The following CRY2 variants were observed in gnomAD, a reference collection of about 807,000 sequenced individuals.
CRY2 encodes cryptochrome circadian regulator 2, also known as cryptochrome-2.
A neutral mutation model predicts 69.5 loss-of-function variants in CRY2; 31 were observed. That is an observed-to-expected ratio of 0.45 (90% confidence interval 0.34 to 0.60). The LOEUF (loss-of-function observed/expected upper bound fraction) is 0.60. Among genes scored for constraint, CRY2 ranks in the 20% least tolerant of loss-of-function variants. The pLI, the probability that CRY2 is intolerant of heterozygous loss-of-function variation, is 0.02. For missense variants in CRY2, 606 were observed against 797.8 expected, an observed-to-expected ratio of 0.76 and a Z score of 2.90; for synonymous variants, 303 against 312.2, an observed-to-expected ratio of 0.97 and a Z score of 0.31.
At position 45,881,153 on chromosome 11, in the gene CRY2, C is replaced by T. The variant is rs2086469055; in HGVS notation, c.*242C>T. On this transcript the variant is annotated 3_prime_UTR_variant, in exon 12 of 12. Coordinates refer to ENST00000616080, the MANE Select transcript of CRY2 (RefSeq NM_021117.5). ...ACCTGTAGCACGCCAGTGCTGTTTCCCGGCCTCCAGACACAAGGCTCGAGG... is the reference window on the plus strand; with the variant it reads ...ACCTGTAGCACGCCAGTGCTGTTTCTCGGCCTCCAGACACAAGGCTCGAGG... 1 of 152,312 alleles carries T rather than the reference C, an allele frequency of 6.6e-6. No individual in the cohort carries two copies. Among genetic ancestry groups the T allele is most frequent in the Non-Finnish European group, 1.5e-5 (1 of 68,118 alleles). The allele number at this position is 152,312 out of a possible 1,614,324, so 9.4% of individuals were successfully genotyped here.
intron 5 of CRY2, among the ~76,000 whole-genome samples, chr11:45,865,259 G>A (rs1383499530): frequency 6.6e-6 from 1 of 152,146 alleles, no homozygotes; most frequent in Non-Finnish European, 1.5e-5. Flanking sequence ...TGAGGTAGGG[G>A]TTGCATATAC....
At position 45,870,421 on chromosome 11, in the gene CRY2, A is replaced by T; in HGVS notation, c.1438A>T (p.Ile480Phe). ...GTCAATTCAGAAGGCAGCCAAGTGCATCATTGGTGTGGACTACCCACGGCC... is the reference window on the plus strand; with the variant it reads ...GTCAATTCAGAAGGCAGCCAAGTGCTTCATTGGTGTGGACTACCCACGGCC... ...PESIQKAAKC[I>F]IGVDYPRPIV... Residue 480 changes from isoleucine (I) to phenylalanine (F), a missense_variant, in exon 9 of 12, where the codon ATC becomes TTC. Ile to Phe is a conservative substitution (Grantham distance 21). This residue lies in a region of CRY2 where 173 missense variants were observed against 213.7 expected (regional missense o/e 0.81). Coordinates refer to ENST00000616080, the MANE Select transcript of CRY2 (RefSeq NM_021117.5). 1 of 1,614,238 alleles carries T rather than the reference A, an allele frequency of 6.2e-7. No homozygotes were observed. Among genetic ancestry groups the T allele is most frequent in the Non-Finnish European group, 8.5e-7 (1 of 1,180,046 alleles).
intron 6 of CRY2, among the ~76,000 whole-genome samples, chr11:45,869,280 C>T (rs61882471): frequency 6.6e-6 from 1 of 152,230 alleles, no homozygotes; most frequent in Non-Finnish European, 1.5e-5. Context: ...ACTGCCTGGC[C>T]CTCTGTAGCT....
At chr11:45,867,313 A>G (rs2086338909) in intron 5 of CRY2, 1 of 356,610 alleles carries the variant, frequency 2.8e-6, no homozygotes, top group Non-Finnish European at 5.1e-6. Context: ...TTCATATCTC[A>G]TTTTAATCCA....
intron 3 of CRY2, among the ~76,000 whole-genome samples, chr11:45,859,296 G>A (rs2086267540): frequency 6.6e-6 from 1 of 151,974 alleles, no homozygotes; most frequent in Non-Finnish European, 1.5e-5. Flanking sequence ...TTCCTAGGCT[G>A]GGCATGCTGG....
In CRY2 at chr11:45,881,999, G is replaced by C. The variant is rs2086477001; in HGVS notation, c.*1088G>C. ...GCTGAGCTCCAAGGACTCAGGCAGAGGGACTCAGGGATGGGGACTGCCAGG... is the reference window on the plus strand; with the variant it reads ...GCTGAGCTCCAAGGACTCAGGCAGACGGACTCAGGGATGGGGACTGCCAGG... On this transcript the variant is annotated 3_prime_UTR_variant, in exon 12 of 12. Transcript: ENST00000616080. 1 of 152,320 alleles carries C rather than the reference G, an allele frequency of 6.6e-6. No individual in the cohort carries two copies. Among genetic ancestry groups the C allele is most frequent in the Non-Finnish European group, 1.5e-5 (1 of 68,094 alleles). The allele number at this position is 152,320 out of a possible 1,614,324, so 9.4% of individuals were successfully genotyped here. A position where few individuals can be genotyped will look rare whatever the true frequency, so the allele number is the denominator to read the frequency against.
rs2086484540 is a variant in CRY2, at chr11:45,882,622, G to C, written c.*1711G>C. On this transcript the variant is annotated 3_prime_UTR_variant, in exon 12 of 12. Coordinates refer to ENST00000616080, the MANE Select transcript of CRY2 (RefSeq NM_021117.5). ...TCACTAGAAATGTCCCATCATCGTG[G>C]GAGGGGAGCAGGGCACAGGGGATGG... 1 of 399,150 alleles carries C rather than the reference G, an allele frequency of 2.5e-6. No individual in the cohort carries two copies. The highest frequency in any genetic ancestry group is 2.1e-5 in the African/African-American group (1 of 48,762). 24.7% of individuals were successfully genotyped at this position (399,150 alleles called of 1,614,324 possible). A position where few individuals can be genotyped will look rare whatever the true frequency, so the allele number is the denominator to read the frequency against.
intron 11 of CRY2, 115 bp downstream of exon 11, chr11:45,872,348 C>A: frequency 1.1e-6 from 1 of 941,906 alleles, no homozygotes; most frequent in East Asian, 2.5e-5. Context: ...CTGGTGGGAC[C>A]ACCCAATGCT....
chr11:45,875,830 G>A (rs1280217317), intron 11 of CRY2, among the ~76,000 whole-genome samples: 1 of 152,214 alleles, frequency 6.6e-6, no homozygotes, highest in East Asian at 1.9e-4. Flanking sequence ...GCTGTAAAAT[G>A]GTGATAATAG....
At position 45,882,891 on chromosome 11, in the gene CRY2, C is replaced by T; in HGVS notation, c.*1980C>T. The T allele has an allele frequency of 2.5e-6, 1 of 395,714 alleles. No homozygotes were observed. The highest frequency in any genetic ancestry group is 4.4e-6 in the Non-Finnish European group (1 of 224,774). 24.5% of individuals were successfully genotyped at this position (395,714 alleles called of 1,614,324 possible). A position where few individuals can be genotyped will look rare whatever the true frequency, so the allele number is the denominator to read the frequency against. ...TTCCCTAAGGTACAGGTTGGCAGGA[C>T]CACCTCCGCCTACTTCTCCACCATC... On this transcript the variant is annotated 3_prime_UTR_variant, in exon 12 of 12. Coordinates refer to ENST00000616080, the MANE Select transcript of CRY2 (RefSeq NM_021117.5).
chr11:45,878,884 A>G (rs2086445690), intron 11 of CRY2, among the ~76,000 whole-genome samples: 1 of 137,666 alleles, frequency 7.3e-6, no homozygotes, highest in African/African-American at 2.8e-5. Context: ...GCGCCACTGC[A>G]CTCTAGCCTG....
chr11:45,853,122 A>T (rs140396179), intron 1 of CRY2, among the ~76,000 whole-genome samples: 20 of 152,320 alleles, frequency 1.3e-4, no homozygotes, highest in African/African-American at 3.6e-4. Flanking sequence ...CTTACTAGGT[A>T]TATGATGTTG....
At chr11:45,863,615 A>G (rs1352260637) in intron 5 of CRY2, among the ~76,000 whole-genome samples, 1 of 150,586 alleles carries the variant, frequency 6.6e-6, no homozygotes, top group Non-Finnish European at 1.5e-5. Context: ...CCAGTTTAGC[A>G]ATACTAGATA....
Position 45,870,426 on chromosome 11 carries a change from T to C in CRY2, c.1443T>C (p.Ile481=), listed in dbSNP as rs1198193405. The C allele has an allele frequency of 6.2e-7, 1 of 1,614,188 alleles. No individual in the cohort carries two copies. The highest frequency in any genetic ancestry group is 2.2e-5 in the East Asian group (1 of 44,880). The change falls in exon 9 of 12, where the codon ATT becomes ATC. Residue 481 remains isoleucine (I), a synonymous_variant. Coordinates refer to ENST00000616080, the MANE Select transcript of CRY2 (RefSeq NM_021117.5). ...ESIQKAAKCI[I]GVDYPRPIVN... ...TTCAGAAGGCAGCCAAGTGCATCATTGGTGTGGACTACCCACGGCCCATCG... is the reference window on the plus strand; with the variant it reads ...TTCAGAAGGCAGCCAAGTGCATCATCGGTGTGGACTACCCACGGCCCATCG...
intron 10 of CRY2, among the ~76,000 whole-genome samples, chr11:45,871,558 G>A (rs1471448073): frequency 6.6e-6 from 1 of 152,208 alleles, no homozygotes; most frequent in East Asian, 1.9e-4. Context: ...GGCACAGGGA[G>A]GCCAGAGAGG....
Position 45,847,497 on chromosome 11 carries a change from G to A in CRY2, c.7G>A (p.Ala3Thr). ...TGGAGCAGTCTGGACAGTCATGGCG[G>A]CGACTGTGGCGACGGCGGCAGCTGT... MA[A>T]TVATAAAVAP... The change falls in exon 1 of 12, where the codon GCG becomes ACG. Residue 3 changes from alanine to threonine, a missense_variant. Around this residue, in one of 5 missense-constraint regions of CRY2, gnomAD observed 45 missense variants for 35.7 expected, o/e 1.26. Transcript: ENST00000616080. 6.3e-7 allele frequency: 1 copy of A among 1,595,744 alleles called. No homozygotes were observed. The highest frequency in any genetic ancestry group is 8.5e-7 in the Non-Finnish European group (1 of 1,175,522).
At chr11:45,847,326 A>G (rs763811270), upstream of CRY2, 9 of 1,586,360 alleles carry the variant, frequency 5.7e-6, no homozygotes, top group Non-Finnish European at 7.7e-6. Context: ...CTCTGGGCCA[A>G]TCGCCAGGTG....
chr11:45,871,729 A>G (rs536218938), intron 10 of CRY2, among the ~76,000 whole-genome samples: 201 of 152,276 alleles, frequency 1.3e-3, no homozygotes, highest in African/African-American at 4.5e-3. Flanking sequence ...GGGCAGCATG[A>G]CTCCTCCACA....
intron 11 of CRY2, among the ~76,000 whole-genome samples, chr11:45,878,199 G>C (rs998953354): frequency 2.6e-5 from 4 of 152,212 alleles, no homozygotes; most frequent in East Asian, 1.9e-4. Context: ...TTCACACACA[G>C]AGAGGAATGT....
Sources: allele counts gnomAD v4.1 joint callset (sites outside exome capture counted in the v4.1 genomes callset), GRCh38; gene constraint gnomAD v4.1.1; regional missense constraint gnomAD v4.1.1; transcripts MANE v1.5; gene names NCBI Gene and HGNC (gene_info 2026-07-23, HGNC 2026-07-21).